Variants in PRRC2A observed in about 807,000 individuals in gnomAD.
PRRC2A encodes protein PRRC2A.
A neutral mutation model predicts 224.6 loss-of-function variants in PRRC2A; 59 were observed. That is an observed-to-expected ratio of 0.26 (90% CI 0.21 to 0.33). The LOEUF is 0.33. PRRC2A is among the 10% of genes least tolerant of loss of function. The pLI is 1.00. For missense variants in PRRC2A, 3,095 were observed against 2,880.7 expected (o/e 1.07, Z -1.70); for synonymous variants, 1,194 against 1,109.5 (o/e 1.08, Z -1.51).
chr6:31,635,052 CT>C, intron 21 of PRRC2A, 75 bp downstream of exon 21: 2 of 1,597,954 alleles, frequency 1.3e-6, no homozygotes, highest in Non-Finnish European at 1.7e-6. Flanking sequence ...TGCTTTTTCT[CT>C]CTGCGTGTGT....
rs1776419966 is a variant in PRRC2A, at chr6:31,630,466, C to T, written c.2255-125C>T. 20 of 875,244 alleles carry T rather than the reference C, an allele frequency of 2.3e-5. No individual in the cohort carries two copies. The East Asian group carries it at 5.3e-4, about 23-fold the overall frequency. 54.2% of individuals were successfully genotyped at this position (875,244 alleles called of 1,614,324 possible). On this transcript the variant is annotated intron_variant, in intron 14 of 30. Transcript: ENST00000376033. ...GATAACCTTGTTATATAAGAGCAGG[C>T]AAGGCCCGGACCTACTGGGAACAAG...
chr6:31,621,702 A>G (rs1182283395), intron 1 of PRRC2A, among the ~76,000 whole-genome samples: 1 of 152,058 alleles, frequency 6.6e-6, no homozygotes, highest in Non-Finnish European at 1.5e-5. Flanking sequence ...TTTAGCTTTC[A>G]TTCTGGGCCT....
rs1195661779 is a variant in PRRC2A, at chr6:31,637,285, T to G, written c.6294T>G (p.Ser2098Arg). The G allele has an allele frequency of 6.2e-7, 1 of 1,612,664 alleles. No homozygotes were observed. The highest frequency in any genetic ancestry group is 1.1e-5 in the South Asian group (1 of 91,074). Residue 2098 changes from serine to arginine, a missense_variant, in exon 30 of 31, where the codon AGT becomes AGG. Physicochemically the swap from Ser to Arg is moderately radical, Grantham distance 110. Coordinates refer to ENST00000376033, the MANE Select transcript of PRRC2A (RefSeq NM_004638.4). ...TCAAGGCCACGCCTTCCACCTACAG[T>G]GGAGTCTTCCGCACCCAGCGCGTCG... ...SRLKATPSTY[S>R]GVFRTQRVDL...
Position 31,633,734 on chromosome 6 carries a change from G to A in PRRC2A, c.4588+87G>A, listed in dbSNP as rs544035758. On this transcript the variant is annotated intron_variant, in intron 17 of 30. Transcript: ENST00000376033. ...GGAGCGGGTGGAGAACCTGGCCTAGGGACCCTGCTGCTGGGTGCGTTTCTG... is the reference window on the plus strand; with the variant it reads ...GGAGCGGGTGGAGAACCTGGCCTAGAGACCCTGCTGCTGGGTGCGTTTCTG... 19 of 1,535,268 alleles carry A rather than the reference G, an allele frequency of 1.2e-5. No individual in the cohort carries two copies. In the African/African-American group the frequency reaches 2.3e-4, roughly 19 times the overall value.
Position 31,636,840 on chromosome 6 carries a change from TGCTCTGCAGCCCCCCAGCCTG to T in PRRC2A, c.6046_6066del (p.Leu2016_Ala2022del). 6.2e-7 allele frequency: 1 copy of T among 1,612,438 alleles called. No individual in the cohort carries two copies. Among genetic ancestry groups the T allele is most frequent in the Non-Finnish European group, 8.5e-7 (1 of 1,179,958 alleles). On this transcript the variant is annotated inframe_deletion, in exon 28 of 31. Transcript: ENST00000376033. This position sits in a 1 kb window ranked among gnomAD's most constrained non-coding sequence, Gnocchi z 4.3. ...CCCTTTCTCTGTTACCTGTGGGCCC[TGCTCTGCAGCCCCCCAGCCTG>T]GCTGTGCGGCCCCCACCTGCTCCTG...
intron 14 of PRRC2A, among the ~76,000 whole-genome samples, 171 bp downstream of exon 14, chr6:31,630,016 T>TA (rs1776365394): frequency 6.6e-6 from 1 of 152,136 alleles, no homozygotes; most frequent in Non-Finnish European, 1.5e-5. Context: ...TGGGCTTAGT[T>TA]AAGAAATAAG....
rs780293762 is a variant in PRRC2A, at chr6:31,632,423, G to A, written c.3750G>A (p.Gln1250=). 6.2e-7 allele frequency: 1 copy of A among 1,608,354 alleles called. No individual in the cohort carries two copies. The highest frequency in any genetic ancestry group is 8.5e-7 in the Non-Finnish European group (1 of 1,176,832). ...PRRRRHGRAQ[Q]QDKPPRFRRL... ...GGAGGCGACATGGGAGGGCTCAGCA[G>A]CAGGATAAACCGCCTCGTTTCCGGA... The change falls in exon 16 of 31, where the codon CAG becomes CAA. Residue 1250 remains glutamine, a synonymous_variant. Transcript: ENST00000376033.
At chr6:31,621,293 C>T (rs1359099722) in intron 1 of PRRC2A, among the ~76,000 whole-genome samples, 4 of 151,258 alleles carry the variant, frequency 2.6e-5, no homozygotes, top group Admixed American at 2.0e-4. Context: ...GCGCTGTGTT[C>T]CCCCCTCTGG....
rs749404040 is a variant in PRRC2A, at chr6:31,623,850, A to G, written c.231A>G (p.Ser77=). The change falls in exon 3 of 31, where the codon TCA becomes TCG. Residue 77 remains serine, a synonymous_variant. Transcript: ENST00000376033. ...AENKGNDPNV[S]LVPKDGTGWA... is the part of the protein sequence containing the mutation. ...ACAAAGGCAATGACCCCAATGTCTC[A>G]CTAGTGCCAAAAGACGGAACAGGAT... The G allele has an allele frequency of 4.3e-6, 7 of 1,614,094 alleles. No individual in the cohort carries two copies. The Admixed American group carries it at 1.0e-4, about 23-fold the overall frequency.
rs1366215843 is a variant in PRRC2A, at chr6:31,625,168, T to C, written c.464-3T>C. The C allele has an allele frequency of 1.9e-6, 3 of 1,610,336 alleles. No individual in the cohort carries two copies. Among genetic ancestry groups the C allele is most frequent in the South Asian group, 2.2e-5 (2 of 91,034 alleles). Reference sequence around the variant, plus strand: ...CTCCTGTTCTGCATCCCCATCCTAATAGGTGGAAGGGCATCAAGCCTACTG... The same window carrying C: ...CTCCTGTTCTGCATCCCCATCCTAACAGGTGGAAGGGCATCAAGCCTACTG... On this transcript the variant is annotated splice_polypyrimidine_tract_variant and splice_region_variant and intron_variant, in intron 5 of 30. Coordinates refer to ENST00000376033, the MANE Select transcript of PRRC2A (RefSeq NM_004638.4). The surrounding 1 kb of genome is among the most constrained non-coding windows in gnomAD (Gnocchi z 4.1).
rs779909738 is a variant in PRRC2A at position 31,629,700 on chromosome 6, G to C, written c.2109G>C (p.Leu703=). Residue 703 remains leucine, a synonymous_variant, in exon 14 of 31, where the codon CTG becomes CTC. Transcript: ENST00000376033. ...PQAPPPPPKA[L]YPGALGRPPP... ...CTCCACCCCCGCCCCCCAAGGCCCTGTACCCAGGTGCTCTGGGCCGGCCCC... is the reference window on the plus strand; with the variant it reads ...CTCCACCCCCGCCCCCCAAGGCCCTCTACCCAGGTGCTCTGGGCCGGCCCC... The C allele has an allele frequency of 1.9e-6, 3 of 1,592,400 alleles. No individual in the cohort carries two copies. The South Asian group carries it at 3.3e-5, about 18-fold the overall frequency.
rs947304209 is a variant in PRRC2A, at chr6:31,632,755, C to G, written c.4082C>G (p.Ala1361Gly). The G allele has an allele frequency of 1.2e-6, 2 of 1,612,964 alleles. No homozygotes were observed. Among genetic ancestry groups the G allele is most frequent in the Admixed American group, 3.3e-5 (2 of 60,002 alleles). The change falls in exon 16 of 31, where the codon GCC becomes GGC. Residue 1361 changes from alanine (A) to glycine (G), a missense_variant. This residue lies in a region of PRRC2A where 2,001 missense variants were observed against 1,764.9 expected (regional missense o/e 1.13). Transcript: ENST00000376033. ...ACTCCTGGGGGAGGTGGAGGTGGAG[C>G]CGTACCAGGTATTTCAGCCATGTCC... The part of the protein sequence containing the change: ...VGTPGGGGGG[A>G]VPGISAMSRG...
chr6:31,626,757 C>G lies in PRRC2A; in HGVS notation c.983-15C>G. 1 of 1,562,038 alleles carries G rather than the reference C, an allele frequency of 6.4e-7. No individual in the cohort carries two copies. The highest frequency in any genetic ancestry group is 1.2e-5 in the South Asian group (1 of 84,968). On this transcript the variant is annotated splice_polypyrimidine_tract_variant and intron_variant, in intron 9 of 30. Transcript: ENST00000376033. The stretch of plus-strand genomic sequence containing the variant: ...GCAGAATGCTTGGGTTACTAATACT[C>G]ATATTTCCCCTCAGGGGCCCATGAA...
Position 31,634,286 on chromosome 6 carries a change from G to T in PRRC2A, c.4770G>T (p.Glu1590Asp). The change falls in exon 19 of 31, where the codon GAG (glutamate) becomes GAT (aspartate). Residue 1590 changes from glutamate (E) to aspartate (D), a missense_variant. Physicochemically the swap from Glu to Asp is conservative, Grantham distance 45 (BLOSUM62 2). Coordinates refer to ENST00000376033, the MANE Select transcript of PRRC2A (RefSeq NM_004638.4). ...CTGGATTCTTGGGCTCTAAGCCTGA[G>T]GGCCCAGGCCCTCAGGCAGAGTCCA... ...HSSGFLGSKP[E>D]GPGPQAESRD... The T allele has an allele frequency of 1.1e-5, 18 of 1,605,736 alleles. No individual in the cohort carries two copies. Among genetic ancestry groups the T allele is most frequent in the Non-Finnish European group, 1.5e-5 (18 of 1,178,308 alleles).
At position 31,630,721 on chromosome 6, in the gene PRRC2A, C is replaced by G; in HGVS notation, c.2385C>G (p.Val795=). Residue 795 remains valine (V), a synonymous_variant, in exon 15 of 31, where the codon GTC becomes GTG. Transcript: ENST00000376033. ...CAAAGTTGGCCTGGGTAGGAGATGT[C>G]TTCACCGCCACACCCGCTGAACCCC... ...VDPKLAWVGD[V]FTATPAEPRP... is the part of the protein sequence containing the mutation. 6.2e-7 allele frequency: 1 copy of G among 1,614,096 alleles called. No individual in the cohort carries two copies. The highest frequency in any genetic ancestry group is 8.5e-7 in the Non-Finnish European group (1 of 1,179,984).
chr6:31,629,064 A>G, intron 12 of PRRC2A, 80 bp from the exon 13 acceptor site: 1 of 1,393,560 alleles, frequency 7.2e-7, no homozygotes, highest in Admixed American at 1.8e-5. Flanking sequence ...GGAGCTAGAG[A>G]TGAGACGTGA....
Position 31,627,228 on chromosome 6 carries a change from G to A in PRRC2A, c.1290+30G>A. On this transcript the variant is annotated intron_variant, in intron 11 of 30. Coordinates refer to ENST00000376033, the MANE Select transcript of PRRC2A (RefSeq NM_004638.4). The surrounding 1 kb of genome is among the most constrained non-coding windows in gnomAD (Gnocchi z 5.6). ...GTGTCTCCAATAAGGGATTGAGAGG[G>A]TCAGCTGTGGGAAATTGGTGTCAGC... 6.8e-7 allele frequency: 1 copy of A among 1,465,462 alleles called. No homozygotes were observed. Among genetic ancestry groups the A allele is most frequent in the Non-Finnish European group, 9.5e-7 (1 of 1,058,172 alleles). The allele number at this position is 1,465,462 out of a possible 1,614,324, so 90.8% of individuals were successfully genotyped here. A position where few individuals can be genotyped will look rare whatever the true frequency, so the allele number is the denominator to read the frequency against.
Position 31,627,683 on chromosome 6 carries a change from G to A in PRRC2A, c.1291-82G>A, listed in dbSNP as rs1172018335. On this transcript the variant is annotated intron_variant, in intron 11 of 30. Coordinates refer to ENST00000376033, the MANE Select transcript of PRRC2A (RefSeq NM_004638.4). This position sits in a 1 kb window ranked among gnomAD's most constrained non-coding sequence, Gnocchi z 5.6. Reference sequence around the variant, plus strand: ...TGGGTCGTTGCATCCTGCAAGTAGCGACAGTTGATTTGTTGTAAAAGAGAT... The same window carrying A: ...TGGGTCGTTGCATCCTGCAAGTAGCAACAGTTGATTTGTTGTAAAAGAGAT... The A allele has an allele frequency of 4.6e-6, 7 of 1,517,234 alleles. No individual in the cohort carries two copies. Among genetic ancestry groups the A allele is most frequent in the African/African-American group, 2.8e-5 (2 of 72,178 alleles). 94.0% of individuals were successfully genotyped at this position (1,517,234 alleles called of 1,614,324 possible). A position where few individuals can be genotyped will look rare whatever the true frequency, so the allele number is the denominator to read the frequency against.
In PRRC2A at chr6:31,631,869, C is replaced by A; in HGVS notation, c.3196C>A (p.Arg1066Ser). The change falls in exon 16 of 31, where the codon CGT (arginine) becomes AGT (serine). Residue 1066 changes from arginine (R) to serine (S), a missense_variant. By Grantham distance (110) the Arg-to-Ser change is moderately radical. Coordinates refer to ENST00000376033, the MANE Select transcript of PRRC2A (RefSeq NM_004638.4). The surrounding 1 kb of genome is among the most constrained non-coding windows in gnomAD (Gnocchi z 4.5). ...CCGAGAGTTTCGAGGAGATGATGGG[C>A]GTGGAGGTGGGACAGGGGGACCAAA... ...SYREFRGDDGRGGGTGGPNHP... is the reference protein window; with the variant it reads ...SYREFRGDDGSGGGTGGPNHP... 6.2e-7 allele frequency: 1 copy of A among 1,609,680 alleles called. No homozygotes were observed. The highest frequency in any genetic ancestry group is 1.1e-5 in the South Asian group (1 of 90,694).
Sources: allele counts gnomAD v4.1 joint callset (sites outside exome capture counted in the v4.1 genomes callset), GRCh38; gene constraint gnomAD v4.1.1; regional missense constraint gnomAD v4.1.1; non-coding constraint Gnocchi (gnomAD v3.1); transcripts MANE v1.5; gene names NCBI Gene and HGNC (gene_info 2026-07-23, HGNC 2026-07-21).